Variants in LRSAM1 observed in about 807,000 individuals in gnomAD.
LRSAM1 encodes the protein leucine rich repeat and sterile alpha motif containing 1.
Under a neutral mutation model 118.1 loss-of-function variants are expected in LRSAM1, and 96 were observed. The observed-to-expected ratio is 0.81, with a 90% CI of 0.69 to 0.96. The LOEUF is 0.96. Among genes scored for constraint, LRSAM1 ranks in the 40% least tolerant of loss-of-function variants. LRSAM1 has a pLI of 0.00. For missense variants in LRSAM1, 804 were observed against 915.5 expected (o/e 0.88, Z 1.57); for synonymous variants, 322 against 364.2 (o/e 0.88, Z 1.32).
At position 127,479,387 on chromosome 9, in the gene LRSAM1, A is replaced by G. The variant is rs1241067328; in HGVS notation, c.785A>G (p.Gln262Arg). ...ACCAGGATCTGTGTCTTGCAGGAACAGAAGATGCTGGAGAAACTCGAGTTT... is the reference window on the plus strand; with the variant it reads ...ACCAGGATCTGTGTCTTGCAGGAACGGAAGATGCTGGAGAAACTCGAGTTT... ...RFSDYEKRKE[Q>R]KMLEKLEFER... The change falls in exon 13 of 26, where the codon CAG (glutamine) becomes CGG (arginine). Residue 262 changes from glutamine (Q) to arginine (R), a missense_variant. Gln to Arg is a conservative substitution (Grantham distance 43, BLOSUM62 1). Transcript: ENST00000300417. 6.2e-7 allele frequency: 1 copy of G among 1,614,058 alleles called. No homozygotes were observed. Among genetic ancestry groups the G allele is most frequent in the Admixed American group, 1.7e-5 (1 of 60,006 alleles).
rs1293083709 is a variant in LRSAM1, at chr9:127,486,001, G to A, written c.1259+166G>A. ...GCTGCTCTTCCTGAGTTTTCTAGCC[G>A]GATCCATGATTCAGTGTTGGGCTGT... On this transcript the variant is annotated intron_variant, in intron 17 of 25. Transcript: ENST00000300417. 3.3e-5 allele frequency among the ~76,000 whole-genome samples: 5 copies of A among 152,322 alleles called. No homozygotes were observed. The South Asian group carries it at 6.2e-4, about 19-fold the overall frequency.
At chr9:127,480,581 G>T (rs1464511513) in intron 14 of LRSAM1, among the ~76,000 whole-genome samples, 1 of 152,206 alleles carries the variant, frequency 6.6e-6, no homozygotes, top group Non-Finnish European at 1.5e-5. Flanking sequence ...AAAAGTACCT[G>T]CATGAGTTCA....
intron 6 of LRSAM1, among the ~76,000 whole-genome samples, chr9:127,458,191 G>A (rs528352786): frequency 2.8e-4 from 43 of 151,268 alleles, no homozygotes; most frequent in Non-Finnish European, 4.6e-4. Flanking sequence ...GACCAGCCTG[G>A]CCAACATGGT....
At chr9:127,487,594 T>G in intron 17 of LRSAM1, 82 bp from the exon 18 acceptor site, 3 of 1,333,272 alleles carry the variant, frequency 2.3e-6, no homozygotes, top group Non-Finnish European at 3.2e-6. Context: ...TGGGTTATCT[T>G]GATCTCCTCC....
In LRSAM1 at chr9:127,479,837, A is replaced by G. The variant is rs1171946884; in HGVS notation, c.904-2A>G. On this transcript the variant is annotated splice_acceptor_variant, in intron 13 of 25. Transcript: ENST00000300417. LOFTEE classifies it high-confidence loss of function. ...GCTCAGGACCCCTACCTCCGGCTGC[A>G]GGAGCAGTCCCGGCTGGAGCAGGGC... is the stretch of plus-strand genomic sequence containing the variant. 6.2e-7 allele frequency: 1 copy of G among 1,611,290 alleles called. No individual in the cohort carries two copies. The highest frequency in any genetic ancestry group is 8.5e-7 in the Non-Finnish European group (1 of 1,177,854).
chr9:127,501,255 G>A, intron 25 of LRSAM1, 112 bp downstream of exon 25: 1 of 1,359,968 alleles, frequency 7.4e-7, no homozygotes, highest in African/African-American at 1.4e-5. Flanking sequence ...TAAGTAGACT[G>A]TGCTCATCTA....
At chr9:127,495,767 T>C (rs1000690452) in intron 22 of LRSAM1, among the ~76,000 whole-genome samples, 197 bp from the exon 23 acceptor site, 3 of 152,192 alleles carry the variant, frequency 2.0e-5, no homozygotes, top group African/African-American at 4.8e-5. Context: ...TATTTTCAGG[T>C]TTGCAGACAG....
intron 23 of LRSAM1, among the ~76,000 whole-genome samples, chr9:127,496,457 T>C (rs1836148947): frequency 6.6e-6 from 1 of 152,220 alleles, no homozygotes; most frequent in South Asian, 2.1e-4. Flanking sequence ...TGTTCCTTTC[T>C]GGGCACAAGC....
At chr9:127,498,160 G>A (rs1836229164) in intron 24 of LRSAM1, among the ~76,000 whole-genome samples, 1 of 152,228 alleles carries the variant, frequency 6.6e-6, no homozygotes, top group African/African-American at 2.4e-5. Context: ...GTGGAGTTCT[G>A]GACTGGACCT....
Position 127,487,705 on chromosome 9 carries a change from AGATTCT to A in LRSAM1, c.1291_1296del (p.Ile431_Leu432del), listed in dbSNP as rs1178255203. 6.2e-7 allele frequency: 1 copy of A among 1,613,892 alleles called. No individual in the cohort carries two copies. The highest frequency in any genetic ancestry group is 1.1e-5 in the South Asian group (1 of 90,980). The stretch of plus-strand genomic sequence containing the variant: ...GCCGAAATGGATGAACGATTCCAGC[AGATTCT>A]GTCGTGGCAGCAAATGGATCAGAAC... On this transcript the variant is annotated inframe_deletion, in exon 18 of 26. Coordinates refer to ENST00000300417, the MANE Select transcript of LRSAM1 (RefSeq NM_001005373.4).
chr9:127,458,977 G>A (rs1407705274), intron 6 of LRSAM1, 26 bp from the exon 7 acceptor site: 1 of 1,612,772 alleles, frequency 6.2e-7, no homozygotes, highest in African/African-American at 1.3e-5. Flanking sequence ...CTCACTTGGA[G>A]ACTCACAGGG....
intron 11 of LRSAM1, among the ~76,000 whole-genome samples, chr9:127,478,020 C>T (rs1209903113): frequency 6.7e-6 from 1 of 149,318 alleles, no homozygotes; most frequent in African/African-American, 2.5e-5. Context: ...TTATTGCACT[C>T]CAGCCTGGGC....
At chr9:127,497,397 G>A in intron 24 of LRSAM1, 63 bp downstream of exon 24, 2 of 1,504,206 alleles carry the variant, frequency 1.3e-6, no homozygotes, top group South Asian at 1.1e-5. Context: ...GCTCTGGTGG[G>A]GACAGTCATT....
At chr9:127,483,106 A>C in intron 16 of LRSAM1, 86 bp downstream of exon 16, 4 of 1,275,300 alleles carry the variant, frequency 3.1e-6, no homozygotes, top group Non-Finnish European at 3.4e-6. Flanking sequence ...TTGGCCATGC[A>C]TGGAGGGCCC....
At chr9:127,469,920 G>C (rs1157915258) in intron 10 of LRSAM1, among the ~76,000 whole-genome samples, 2 of 152,098 alleles carry the variant, frequency 1.3e-5, no homozygotes. Context: ...AGCCGAGATT[G>C]CGCCACTGCA....
In LRSAM1 at chr9:127,489,467, C is replaced by T. The variant is rs571925919; in HGVS notation, c.1371C>T (p.Phe457=). Reference sequence around the variant, plus strand: ...AGAGCGCGATGCAGAAGGCTGCGTTCGAGGCACTCCAGGTGAAGAAAGACC... The same window carrying T: ...AGAGCGCGATGCAGAAGGCTGCGTTTGAGGCACTCCAGGTGAAGAAAGACC... The part of the protein sequence containing the change: ...LQESAMQKAA[F]EALQVKKDLM... Residue 457 remains phenylalanine (F), a synonymous_variant, in exon 19 of 26, where the codon TTC becomes TTT. Coordinates refer to ENST00000300417, the MANE Select transcript of LRSAM1 (RefSeq NM_001005373.4). 16 of 1,609,696 alleles carry T rather than the reference C, an allele frequency of 9.9e-6. 1 individual carries two copies. Among genetic ancestry groups the T allele is most frequent in the Middle Eastern group, 1.7e-4 (1 of 6,054 alleles).
intron 15 of LRSAM1, among the ~76,000 whole-genome samples, chr9:127,481,881 C>T (rs1474408905): frequency 6.6e-6 from 1 of 151,498 alleles, no homozygotes; most frequent in Non-Finnish European, 1.5e-5. Flanking sequence ...CATGGCAAAA[C>T]GCTGTCTCTA....
chr9:127,482,183 C>A (rs369040356), intron 15 of LRSAM1, among the ~76,000 whole-genome samples: 1 of 146,054 alleles, frequency 6.8e-6, no homozygotes, highest in Non-Finnish European at 1.5e-5. Flanking sequence ...CACTCTGTCA[C>A]CCAGGCTGGA....
At chr9:127,456,230 G>C (rs1004808447) in intron 5 of LRSAM1, among the ~76,000 whole-genome samples, 1 of 143,584 alleles carries the variant, frequency 7.0e-6, no homozygotes, top group South Asian at 2.2e-4. Flanking sequence ...TGGAAGTTTT[G>C]TTTGTTTTTT....
Sources: gnomAD v4.1 joint callset for allele counts (sites outside exome capture counted in the v4.1 genomes callset) on GRCh38, gnomAD v4.1.1 for gene constraint, MANE v1.5 for transcripts, NCBI Gene and HGNC (gene_info 2026-07-23, HGNC 2026-07-21) for gene names.